The following ZNF730 variants were observed in gnomAD, a reference collection of about 807,000 sequenced individuals.
ZNF730 encodes the protein putative zinc finger protein 730.
ZNF730 carries 12 observed loss-of-function variants against 12.6 expected under a neutral mutation model. The observed-to-expected ratio is 0.95, with a 90% CI of 0.61 to 1.54. The LOEUF (loss-of-function observed/expected upper bound fraction) is 1.54, where lower values mean the gene tolerates loss of function less well. ZNF730 is among the 40% of genes most tolerant of loss of function. The pLI, the probability that ZNF730 is intolerant of heterozygous loss-of-function variation, is 0.00. For missense variants in ZNF730, 643 were observed against 583.5 expected (o/e 1.10, Z -1.05); for synonymous variants, 194 against 195.8 (o/e 0.99, Z 0.08).
intron 1 of ZNF730, among the ~76,000 whole-genome samples, chr19:23,110,949 C>T (rs1036566824): frequency 6.6e-6 from 1 of 152,188 alleles, no homozygotes; most frequent in Admixed American, 6.6e-5. Context: ...GATAACCCCT[C>T]AGTTTTCAGT....
At chr19:23,115,604 C>T (rs189973077), upstream of ZNF730, among the ~76,000 whole-genome samples, 138 of 152,236 alleles carry the variant, frequency 9.1e-4, 1 homozygote, top group African/African-American at 3.3e-3. Flanking sequence ...ATGAACAAAG[C>T]ACATGTTAGC....
chr19:23,112,202 A>T (rs1204711144), upstream of ZNF730, among the ~76,000 whole-genome samples: 4 of 152,164 alleles, frequency 2.6e-5, no homozygotes, highest in African/African-American at 7.2e-5. Flanking sequence ...GCTAACCAGA[A>T]AGATTTCTCC....
intron 1 of ZNF730, among the ~76,000 whole-genome samples, chr19:23,103,640 C>T (rs1010347278): frequency 1.3e-5 from 2 of 152,014 alleles, no homozygotes; most frequent in Non-Finnish European, 2.9e-5. Context: ...GAGAGGTAAA[C>T]AGAATTATTT....
intron 1 of ZNF730, among the ~76,000 whole-genome samples, chr19:23,131,358 C>G (rs1333958395): frequency 1.3e-5 from 2 of 152,150 alleles, no homozygotes; most frequent in African/African-American, 4.8e-5. Context: ...AGATTAAATC[C>G]TGTAATGTGC....
Position 23,145,839 on chromosome 19 carries a change from T to A in ZNF730, c.795T>A (p.Phe265Leu). 1 of 1,604,282 alleles carries A rather than the reference T, an allele frequency of 6.2e-7. No homozygotes were observed. The highest frequency in any genetic ancestry group is 8.5e-7 in the Non-Finnish European group (1 of 1,176,752). The change falls in exon 4 of 4, where the codon TTT (phenylalanine) becomes TTA (leucine). Residue 265 changes from phenylalanine to leucine, a missense_variant. Physicochemically the swap from Phe to Leu is conservative, Grantham distance 22 (BLOSUM62 0). Coordinates refer to ENST00000597761, the MANE Select transcript of ZNF730 (RefSeq NM_001277403.2). ...AATGTGAGAAATGTGGCAAATTTTTTAACCAATCCACAAACCTTACTACAC... is the reference window on the plus strand; with the variant it reads ...AATGTGAGAAATGTGGCAAATTTTTAAACCAATCCACAAACCTTACTACAC... ...PYQCEKCGKF[F>L]NQSTNLTTHK...
In ZNF730 at chr19:23,108,287, G is replaced by A. The variant is rs1317135264; in HGVS notation, c.-93-25793G>A. On this transcript the variant is annotated intron_variant, in intron 1 of 2. Coordinates refer to the ZNF730 transcript ENST00000593635. ...CTCAAGCAATTCTGATTTAATTAGG[G>A]TGTTGCAATTTGTGTTTAGGGGATT... 2.0e-5 allele frequency among the ~76,000 whole-genome samples: 3 copies of A among 152,196 alleles called. No individual in the cohort carries two copies. The East Asian group carries it at 5.8e-4, about 29-fold the overall frequency.
chr19:23,085,158 A>T (rs2145457494), intron 1 of ZNF730, among the ~76,000 whole-genome samples: 1 of 152,196 alleles, frequency 6.6e-6, no homozygotes, highest in Admixed American at 6.5e-5. Flanking sequence ...AGCCATTCTG[A>T]CTAAGGTGAG....
chr19:23,134,718 G>A (rs1278225378), intron 2 of ZNF730, among the ~76,000 whole-genome samples: 1 of 143,560 alleles, frequency 7.0e-6, no homozygotes, highest in Non-Finnish European at 1.5e-5. Context: ...CCCCGTCTGG[G>A]AGGTGTGCCC....
intron 3 of ZNF730, among the ~76,000 whole-genome samples, chr19:23,142,114 C>A (rs1200356230): frequency 1.3e-5 from 2 of 151,968 alleles, no homozygotes; most frequent in Middle Eastern, 3.2e-3. Flanking sequence ...TTCATAGGTT[C>A]CCAGTGAATA....
At chr19:23,113,549 T>C (rs1303006433), upstream of ZNF730, among the ~76,000 whole-genome samples, 4 of 152,212 alleles carry the variant, frequency 2.6e-5, no homozygotes, top group Non-Finnish European at 5.9e-5. Flanking sequence ...GAAAATTTTT[T>C]GAACAAAATT....
At chr19:23,077,603 G>A (rs1969887711) in intron 1 of ZNF730, among the ~76,000 whole-genome samples, 1 of 151,462 alleles carries the variant, frequency 6.6e-6, no homozygotes, top group South Asian at 2.1e-4. Context: ...CAACACACCC[G>A]GCTAATTTTT....
chr19:23,081,383 T>C (rs1213136700), intron 1 of ZNF730, among the ~76,000 whole-genome samples: 2 of 151,630 alleles, frequency 1.3e-5, no homozygotes, highest in Non-Finnish European at 1.5e-5. Flanking sequence ...GCAATGGTGC[T>C]ATCTTAGCTT....
chr19:23,111,642 G>A (rs747660165), intron 1 of ZNF730, among the ~76,000 whole-genome samples: 4 of 151,926 alleles, frequency 2.6e-5, no homozygotes, highest in South Asian at 2.1e-4. Flanking sequence ...CCAGCTACTC[G>A]GGAGGCTGAG....
chr19:23,146,537 A>G lies in ZNF730; in HGVS notation c.1493A>G (p.His498Arg), dbSNP rs749936179. 3 of 1,582,408 alleles carry G rather than the reference A, an allele frequency of 1.9e-6. No individual in the cohort carries two copies. Among genetic ancestry groups the G allele is most frequent in the East Asian group, 4.5e-5 (2 of 44,180 alleles). ...AFRRFSHLTR[H>R]KTIHT Reference sequence around the variant, plus strand: ...AGGCGGTTCTCACACCTTACTAGGCATAAGACAATTCATACATAAAATTGT... The same window carrying G: ...AGGCGGTTCTCACACCTTACTAGGCGTAAGACAATTCATACATAAAATTGT... Residue 498 changes from histidine to arginine, a missense_variant, in exon 4 of 4, where the codon CAT becomes CGT. Transcript: ENST00000597761.
At chr19:23,108,352 A>G (rs770536220) in intron 1 of ZNF730, among the ~76,000 whole-genome samples, 8 of 151,850 alleles carry the variant, frequency 5.3e-5, no homozygotes, top group Non-Finnish European at 1.0e-4. Flanking sequence ...CGCTGCCCCA[A>G]GTGATTTTTA....
At chr19:23,120,401 G>A (rs1017926435) in intron 1 of ZNF730, among the ~76,000 whole-genome samples, 1 of 151,822 alleles carries the variant, frequency 6.6e-6, no homozygotes, top group African/African-American at 2.4e-5. Flanking sequence ...TTCAGTTATG[G>A]GAAGATGGAT....
chr19:23,087,047 G>A (rs1311515361), intron 1 of ZNF730, among the ~76,000 whole-genome samples: 5 of 151,896 alleles, frequency 3.3e-5, no homozygotes, highest in African/African-American at 1.2e-4. Context: ...CTTTTTTGTG[G>A]CAACTGTGAA....
chr19:23,084,102 T>C (rs1970015409), intron 1 of ZNF730, among the ~76,000 whole-genome samples: 1 of 152,172 alleles, frequency 6.6e-6, no homozygotes, highest in South Asian at 2.1e-4. Flanking sequence ...TTGTATATAA[T>C]GAGGGGTAGG....
Position 23,145,454 on chromosome 19 carries a change from T to G in ZNF730, c.410T>G (p.Leu137Trp), listed in dbSNP as rs1449998385. The G allele has an allele frequency of 1.3e-6, 2 of 1,573,008 alleles. No individual in the cohort carries two copies. The highest frequency in any genetic ancestry group is 2.3e-5 in the South Asian group (2 of 85,626). ...KKGYNRHNQC[L>W]TTSHSKIFQC... is the part of the protein sequence containing the mutation. The stretch of plus-strand genomic sequence containing the variant: ...GGTTATAATAGACATAACCAGTGTT[T>G]GACAACTTCCCATAGCAAAATATTT... The change falls in exon 4 of 4, where the codon TTG becomes TGG. Residue 137 changes from leucine (L) to tryptophan (W), a missense_variant. Physicochemically the swap from Leu to Trp is moderately conservative, Grantham distance 61 (BLOSUM62 -2). Transcript: ENST00000597761.
Sources: gnomAD v4.1 joint callset for allele counts (sites outside exome capture counted in the v4.1 genomes callset) on GRCh38, gnomAD v4.1.1 for gene constraint, MANE v1.5 for transcripts, NCBI Gene and HGNC (gene_info 2026-07-23, HGNC 2026-07-21) for gene names.